ZSCAN25: variants seen among roughly 807,000 people sequenced by gnomAD.
The protein encoded by ZSCAN25 is zinc finger and SCAN domain containing 25.
Under a neutral mutation model 38.7 loss-of-function variants are expected in ZSCAN25, and 27 were observed. The ratio of observed to expected loss-of-function variants is 0.70; its 90% CI spans 0.51 to 0.96. ZSCAN25 has a LOEUF of 0.96. Among genes scored for constraint, ZSCAN25 ranks in the 40% least tolerant of loss-of-function variants. The pLI is 0.00. For synonymous variants in ZSCAN25, 273 were observed against 277.7 expected (o/e 0.98, Z 0.17); for missense variants, 637 against 705.9 (o/e 0.90, Z 1.11).
chr7:99,627,786 A>G (rs1807617948), intron 7 of ZSCAN25, among the ~76,000 whole-genome samples: 1 of 151,696 alleles, frequency 6.6e-6, no homozygotes, highest in South Asian at 2.1e-4. Context: ...TATATGCTGT[A>G]TATGTATATT....
chr7:99,706,535 C>T, the ZSCAN25 span, among the ~76,000 whole-genome samples: 1 of 152,234 alleles, frequency 6.6e-6, no homozygotes, highest in African/African-American at 2.4e-5. Context: ...TTAATAAATA[C>T]ATGAGACCTA....
At chr7:99,628,467 A>G (rs951268792) in intron 7 of ZSCAN25, among the ~76,000 whole-genome samples, 1 of 152,168 alleles carries the variant, frequency 6.6e-6, no homozygotes, top group Non-Finnish European at 1.5e-5. Flanking sequence ...AGAATATAAG[A>G]AGGATCAGAG....
At chr7:99,622,489 G>A (rs1807065024) in intron 5 of ZSCAN25, 60 bp from the exon 6 acceptor site, 1 of 1,520,464 alleles carries the variant, frequency 6.6e-7, no homozygotes, top group Non-Finnish European at 9.1e-7. Context: ...ATTTGAACGA[G>A]CTAACAGCAT....
At chr7:99,673,829 T>C in the ZSCAN25 span, among the ~76,000 whole-genome samples, 3 of 152,192 alleles carry the variant, frequency 2.0e-5, no homozygotes, top group Non-Finnish European at 2.9e-5. Flanking sequence ...AGGCAGACAC[T>C]GGACAGAAGG....
chr7:99,660,314 C>G, the ZSCAN25 span: 4 of 1,144,604 alleles, frequency 3.5e-6, no homozygotes, highest in Admixed American at 2.0e-4. Flanking sequence ...AGATCTTATG[C>G]TTCTGCCAGT....
chr7:99,662,451 C>CT, the ZSCAN25 span, among the ~76,000 whole-genome samples: 1 of 152,178 alleles, frequency 6.6e-6, no homozygotes. The surrounding 1 kb of genome is among the most constrained non-coding windows in gnomAD (Gnocchi z 4.3). Context: ...TAAAATCACC[C>CT]TTACTGGGAT....
chr7:99,716,888 C>T, the ZSCAN25 span, among the ~76,000 whole-genome samples: 2 of 152,198 alleles, frequency 1.3e-5, no homozygotes, highest in African/African-American at 2.4e-5. Context: ...GATACAATCA[C>T]ACTTTTCCCC....
chr7:99,695,894 G>T, the ZSCAN25 span: 4 of 1,501,918 alleles, frequency 2.7e-6, no homozygotes, highest in Non-Finnish European at 3.7e-6. Context: ...TAGATATGGG[G>T]GCTGGTAAGT....
the ZSCAN25 span, among the ~76,000 whole-genome samples, chr7:99,689,935 A>T: frequency 0.013 from 2,010 of 152,344 alleles, 22 homozygotes; most frequent in Non-Finnish European, 0.019. Flanking sequence ...TCTTCACAGA[A>T]TTGGAAAAAA....
At chr7:99,703,644 G>C in the ZSCAN25 span, among the ~76,000 whole-genome samples, 1 of 151,972 alleles carries the variant, frequency 6.6e-6, no homozygotes. Flanking sequence ...CTCCCTTTCT[G>C]AATCCATGAC....
chr7:99,725,601 C>T, the ZSCAN25 span, among the ~76,000 whole-genome samples: 1 of 152,220 alleles, frequency 6.6e-6, no homozygotes, highest in Non-Finnish European at 1.5e-5. Context: ...CCTCCTAAGC[C>T]GTGCCCTGTC....
chr7:99,630,842 A>G lies in ZSCAN25; in HGVS notation c.*822A>G. ...TGCTATTGATCACTGAATAAACATC[A>G]GAGTATTTTAAAAAACAGTTCTCTA... On this transcript the variant is annotated 3_prime_UTR_variant, in exon 8 of 8. Coordinates refer to ENST00000394152, the MANE Select transcript of ZSCAN25 (RefSeq NM_145115.3). 1.0e-6 allele frequency: 1 copy of G among 985,294 alleles called. No homozygotes were observed. Among genetic ancestry groups the G allele is most frequent in the Non-Finnish European group, 1.2e-6 (1 of 829,770 alleles). The allele number at this position is 985,294 out of a possible 1,614,324, so 61.0% of individuals were successfully genotyped here.
At chr7:99,714,456 C>A in the ZSCAN25 span, 1,006 of 1,547,238 alleles carry the variant, frequency 6.5e-4, 1 homozygote, top group Non-Finnish European at 8.4e-4. Flanking sequence ...ATGTTAAAAT[C>A]TTTCTCTAAA....
chr7:99,661,609 A>G, the ZSCAN25 span, among the ~76,000 whole-genome samples: 1 of 152,370 alleles, frequency 6.6e-6, no homozygotes, highest in Non-Finnish European at 1.5e-5. Context: ...GGACCTTTAG[A>G]GACCTGGAGC....
chr7:99,663,644 A>T, the ZSCAN25 span: 1 of 1,013,112 alleles, frequency 9.9e-7, no homozygotes, highest in Non-Finnish European at 1.2e-6. Flanking sequence ...GCACAATACC[A>T]GTAAAATATA....
At chr7:99,667,140 G>C in the ZSCAN25 span, 1 of 1,362,418 alleles carries the variant, frequency 7.3e-7, no homozygotes, top group East Asian at 2.4e-5. Context: ...ATATTGAAGA[G>C]GCATCCTTAT....
chr7:99,648,021 G>A, the ZSCAN25 span: 1 of 985,446 alleles, frequency 1.0e-6, no homozygotes, highest in African/African-American at 1.7e-5. Flanking sequence ...CTCAGGAGGA[G>A]TTGATAATGC....
the ZSCAN25 span, chr7:99,695,974 C>T: frequency 1.5e-6 from 1 of 685,246 alleles, no homozygotes; most frequent in Non-Finnish European, 2.5e-6. Flanking sequence ...AACAGTAACT[C>T]TGACAGCAAT....
At chr7:99,620,031 G>A (rs748259740) in intron 4 of ZSCAN25, 38 bp downstream of exon 4, 26 of 1,568,646 alleles carry the variant, frequency 1.7e-5, no homozygotes, top group Admixed American at 3.7e-5. Flanking sequence ...CGCCCTTGGC[G>A]TGGGCAGGGA....
Sources: gnomAD v4.1 joint callset for allele counts (sites outside exome capture counted in the v4.1 genomes callset) on GRCh38, gnomAD v4.1.1 for gene constraint, Gnocchi (gnomAD v3.1) non-coding constraint, MANE v1.5 for transcripts, NCBI Gene and HGNC (gene_info 2026-07-23, HGNC 2026-07-21) for gene names.